Variants in SPDYA observed in about 807,000 individuals in gnomAD.
SPDYA encodes the protein speedy protein A.
SPDYA carries 11 observed loss-of-function variants against 36.7 expected under a neutral mutation model. The ratio of observed to expected loss-of-function variants is 0.30; its 90% CI spans 0.19 to 0.50. The LOEUF (loss-of-function observed/expected upper bound fraction) is 0.50, where lower values mean the gene tolerates loss of function less well. Ranked by LOEUF, SPDYA falls within the 20% of genes least tolerant of loss-of-function variation. The pLI is 0.98. For synonymous variants in SPDYA, 115 were observed against 118.7 expected, an observed-to-expected ratio of 0.97 and a Z score of 0.20; for missense variants, 287 against 370.9, an observed-to-expected ratio of 0.77 and a Z score of 1.86.
chr2:28,850,276 T>C lies in SPDYA; in HGVS notation c.*335T>C, dbSNP rs201181427. ...AGAGAAGAAAAACATAAAGTCATTATATTAATTAAAAGAAAAAACACCATT... is the reference window on the plus strand; with the variant it reads ...AGAGAAGAAAAACATAAAGTCATTACATTAATTAAAAGAAAAAACACCATT... On this transcript the variant is annotated 3_prime_UTR_variant, in exon 8 of 8. Coordinates refer to ENST00000334056, the MANE Select transcript of SPDYA (RefSeq NM_182756.4). 2,525 of 1,604,192 alleles carry C rather than the reference T, an allele frequency of 1.6e-3. 7 individuals are homozygous for C. The highest frequency in any genetic ancestry group is 1.9e-3 in the Non-Finnish European group (2,285 of 1,173,806).
rs1262493433 is a variant in SPDYA, at chr2:28,840,191, C to T, written c.572C>T (p.Thr191Ile). 1.9e-6 allele frequency: 3 copies of T among 1,614,086 alleles called. No individual in the cohort carries two copies. The highest frequency in any genetic ancestry group is 2.2e-5 in the South Asian group (2 of 91,064). The change falls in exon 7 of 8, where the codon ACC (threonine) becomes ATC (isoleucine). Residue 191 changes from threonine (T) to isoleucine (I), a missense_variant. Physicochemically the swap from Thr to Ile is moderately conservative, Grantham distance 89 (BLOSUM62 -1). Transcript: ENST00000334056. ...TTATAGGTTATGGCCATTGCACCAA[C>T]CCATTATATCTGGCAAAGAGAACGT... Reference protein sequence around the residue: ...CCEEVMAIAPTHYIWQRERSV... With the variant: ...CCEEVMAIAPIHYIWQRERSV...
At chr2:28,818,948 A>T in intron 3 of SPDYA, 100 bp from the exon 4 acceptor site, 3 of 926,028 alleles carry the variant, frequency 3.2e-6, no homozygotes, top group Admixed American at 4.6e-5. Context: ...TTTTTGTTTT[A>T]TTTCTAAGCA....
intron 5 of SPDYA, among the ~76,000 whole-genome samples, chr2:28,826,894 GGT>G: frequency 6.7e-6 from 1 of 150,298 alleles, no homozygotes; most frequent in East Asian, 1.9e-4. Flanking sequence ...TGGGATTACA[GGT>G]GTGAGCCACT....
chr2:28,837,766 A>AAT (rs1668645227), intron 6 of SPDYA, among the ~76,000 whole-genome samples: 1 of 87,838 alleles, frequency 1.1e-5, no homozygotes, highest in African/African-American at 4.9e-5. Context: ...TTTTTTTTTA[A>AAT]TTTTTTCATG....
chr2:28,825,646 G>T (rs1365905841), intron 5 of SPDYA, among the ~76,000 whole-genome samples: 1 of 151,938 alleles, frequency 6.6e-6, no homozygotes, highest in African/African-American at 2.4e-5. Flanking sequence ...TTTGTTTCAT[G>T]CTTACTTGCC....
intron 5 of SPDYA, among the ~76,000 whole-genome samples, chr2:28,826,318 G>C (rs1336784638): frequency 6.6e-6 from 1 of 151,664 alleles, no homozygotes; most frequent in Non-Finnish European, 1.5e-5. Flanking sequence ...TGTATTTTTA[G>C]TAGAGACAGG....
At chr2:28,836,151 T>C (rs550333429) in intron 6 of SPDYA, among the ~76,000 whole-genome samples, 1 of 152,262 alleles carries the variant, frequency 6.6e-6, no homozygotes, top group East Asian at 1.9e-4. Flanking sequence ...GCTGTGGGGG[T>C]GGTGGCATCC....
chr2:28,818,954 A>G, intron 3 of SPDYA, 94 bp from the exon 4 acceptor site: 1 of 972,398 alleles, frequency 1.0e-6, no homozygotes, highest in Non-Finnish European at 1.6e-6. Flanking sequence ...TTTTATTTCT[A>G]AGCACCATGT....
At chr2:28,846,385 G>A (rs984565000) in intron 7 of SPDYA, among the ~76,000 whole-genome samples, 14 of 152,284 alleles carry the variant, frequency 9.2e-5, no homozygotes, top group African/African-American at 3.4e-4. Flanking sequence ...TCCAGCCTGG[G>A]TGACAGAGCT....
chr2:28,812,248 T>A lies in SPDYA; in HGVS notation c.-93+1301T>A, dbSNP rs1017073540. On this transcript the variant is annotated intron_variant, in intron 1 of 7. Transcript: ENST00000334056. The stretch of plus-strand genomic sequence containing the variant: ...TCATCAGTGTCTGGCACATATTCTC[T>A]GTGTGTGACTGCATTCATAAGGAAG... Among the ~76,000 whole-genome samples, 4 of 152,194 alleles carry A rather than the reference T, an allele frequency of 2.6e-5. No individual in the cohort carries two copies. The South Asian group carries it at 8.3e-4, about 32-fold the overall frequency.
At chr2:28,812,811 C>A (rs374211871) in intron 1 of SPDYA, among the ~76,000 whole-genome samples, 5 of 134,786 alleles carry the variant, frequency 3.7e-5, no homozygotes, top group African/African-American at 1.1e-4. Flanking sequence ...GAGCCGAGAT[C>A]GAGCCATTGC....
At chr2:28,842,262 A>C (rs1668768868) in intron 7 of SPDYA, 1 of 152,212 alleles carries the variant, frequency 6.6e-6, no homozygotes, top group Non-Finnish European at 1.5e-5. Flanking sequence ...ATTAAGATCT[A>C]AGTCCCTGAT....
In SPDYA at chr2:28,840,220, G is replaced by C; in HGVS notation, c.601G>C (p.Val201Leu). The change falls in exon 7 of 8, where the codon GTT (valine) becomes CTT (leucine). Residue 201 changes from valine to leucine, a missense_variant. Transcript: ENST00000334056. ...TTATATCTGGCAAAGAGAACGTTCT[G>C]TTCATCACAGTGGAGCTGTCAGAAA... Reference protein sequence around the residue: ...THYIWQRERSVHHSGAVRNYN... With the variant: ...THYIWQRERSLHHSGAVRNYN... 6.2e-7 allele frequency: 1 copy of C among 1,614,166 alleles called. No homozygotes were observed.
chr2:28,838,021 G>T (rs891505986), intron 6 of SPDYA, among the ~76,000 whole-genome samples: 4 of 151,882 alleles, frequency 2.6e-5, no homozygotes, highest in African/African-American at 9.7e-5. Flanking sequence ...TAAAAAAGGG[G>T]GATGTTTCTA....
chr2:28,813,844 G>A (rs1381853818), intron 1 of SPDYA, among the ~76,000 whole-genome samples: 4 of 152,196 alleles, frequency 2.6e-5, no homozygotes, highest in East Asian at 3.9e-4. Context: ...GAGCCACTGC[G>A]CCCGGCTCTT....
At position 28,815,893 on chromosome 2, in the gene SPDYA, T is replaced by C. The variant is rs73920368; in HGVS notation, c.-18-104T>C. On this transcript the variant is annotated intron_variant, in intron 2 of 7. Coordinates refer to ENST00000334056, the MANE Select transcript of SPDYA (RefSeq NM_182756.4). ...TCACAAATAACATTTTAATGGCAAG[T>C]TTAGTAACATTTTATATGACTGCAT... The C allele has an allele frequency of 7.0e-4, 505 of 723,272 alleles. 1 individual carries two copies. In the African/African-American group the frequency reaches 8.3e-3, roughly 12 times the overall value. The allele number at this position is 723,272 out of a possible 1,614,324, so 44.8% of individuals were successfully genotyped here.
chr2:28,811,564 C>T lies in SPDYA; in HGVS notation c.-93+617C>T, dbSNP rs1667845546. Among the ~76,000 whole-genome samples the T allele has an allele frequency of 6.6e-6, 1 of 151,966 alleles. No individual in the cohort carries two copies. ...AGTAGGACTGGAGGGCCCCTAGCCT[C>T]AATCTTTTAAAAAGCCTTATGCCGA... is the stretch of plus-strand genomic sequence containing the variant. On this transcript the variant is annotated intron_variant, in intron 1 of 7. Transcript: ENST00000334056. The surrounding 1 kb of genome is among the most constrained non-coding windows in gnomAD (Gnocchi z 4.2).
chr2:28,826,842 C>T (rs1369598631), intron 5 of SPDYA, among the ~76,000 whole-genome samples: 1 of 151,536 alleles, frequency 6.6e-6, no homozygotes. Context: ...GTTTCGAACT[C>T]CTCAGCTCAA....
At chr2:28,844,484 T>C (rs1317801186) in intron 7 of SPDYA, among the ~76,000 whole-genome samples, 1 of 152,168 alleles carries the variant, frequency 6.6e-6, no homozygotes, top group Non-Finnish European at 1.5e-5. Context: ...CAGGCAGCCA[T>C]GAAATCATGA....
Sources: allele counts gnomAD v4.1 joint callset (sites outside exome capture counted in the v4.1 genomes callset), GRCh38; gene constraint gnomAD v4.1.1; non-coding constraint Gnocchi (gnomAD v3.1); transcripts MANE v1.5; gene names NCBI Gene and HGNC (gene_info 2026-07-23, HGNC 2026-07-21).